The following SEMA6D variants were observed in gnomAD, a reference collection of about 807,000 sequenced individuals.
The protein encoded by SEMA6D is semaphorin 6D, also known as semaphorin-6D.
In SEMA6D, 35 loss-of-function variants were observed where a neutral mutation model predicts 106.6. The observed-to-expected ratio is 0.33, with a 90% CI of 0.25 to 0.44. The LOEUF is 0.44. SEMA6D is among the 20% of genes least tolerant of loss of function. The pLI, the probability that SEMA6D is intolerant of heterozygous loss-of-function variation, is 1.00. For missense variants in SEMA6D, 1,185 were observed against 1,345.9 expected, an observed-to-expected ratio of 0.88 and a Z score of 1.87; for synonymous variants, 499 against 487.7, an observed-to-expected ratio of 1.02 and a Z score of -0.31.
intron 1 of SEMA6D, among the ~76,000 whole-genome samples, chr15:47,336,145 G>A (rs867112794): frequency 1.3e-5 from 2 of 152,218 alleles, no homozygotes; most frequent in Non-Finnish European, 2.9e-5. Context: ...ACAGAAAAAT[G>A]TAAAGGTTTA....
At chr15:47,604,741 T>C (rs2076739397) in intron 4 of SEMA6D, among the ~76,000 whole-genome samples, 1 of 152,128 alleles carries the variant, frequency 6.6e-6, no homozygotes, top group Non-Finnish European at 1.5e-5. Context: ...TGTAATAGTT[T>C]GCTGGAGTGC....
chr15:47,561,985 C>G (rs192090846), intron 3 of SEMA6D, among the ~76,000 whole-genome samples: 413 of 151,904 alleles, frequency 2.7e-3, no homozygotes, highest in African/African-American at 9.2e-3. Flanking sequence ...TTCAAAGGAC[C>G]TACAATAGCC....
intron 1 of SEMA6D, among the ~76,000 whole-genome samples, chr15:47,211,152 C>G (rs1477660003): frequency 7.2e-5 from 11 of 152,108 alleles, no homozygotes; most frequent in Non-Finnish European, 1.6e-4. Context: ...TTGCCATCAT[C>G]TATCTATACT....
intron 1 of SEMA6D, among the ~76,000 whole-genome samples, chr15:47,321,565 T>A (rs1196596175): frequency 6.6e-6 from 1 of 150,948 alleles, no homozygotes; most frequent in East Asian, 1.9e-4. Context: ...AATATGTACA[T>A]TTTTTATATT....
At chr15:47,228,962 T>A (rs2031998819) in intron 1 of SEMA6D, among the ~76,000 whole-genome samples, 1 of 152,182 alleles carries the variant, frequency 6.6e-6, no homozygotes, top group East Asian at 1.9e-4. Context: ...GAGTGAATGA[T>A]TTATTCAATT....
chr15:47,767,369 A>G (rs1433750563), intron 17 of SEMA6D: 1 of 285,300 alleles, frequency 3.5e-6, no homozygotes, highest in Non-Finnish European at 6.5e-6. Context: ...CGCCCACCCA[A>G]GCTTTCTTCT....
At chr15:47,369,939 C>T (rs1449615893) in intron 1 of SEMA6D, among the ~76,000 whole-genome samples, 7 of 152,182 alleles carry the variant, frequency 4.6e-5, no homozygotes, top group African/African-American at 9.7e-5. Context: ...TGGATTGACT[C>T]AGCTCTGTGA....
intron 2 of SEMA6D, among the ~76,000 whole-genome samples, chr15:47,459,766 G>T (rs2042447113): frequency 6.6e-6 from 1 of 151,988 alleles, no homozygotes; most frequent in African/African-American, 2.4e-5. Context: ...AGAATTTCTG[G>T]TGGAGAGTCT....
chr15:47,614,898 G>A (rs1363835330), intron 4 of SEMA6D, among the ~76,000 whole-genome samples: 1 of 152,124 alleles, frequency 6.6e-6, no homozygotes, highest in Non-Finnish European at 1.5e-5. Flanking sequence ...GGTTTAATCT[G>A]GTGATTAAAT....
At chr15:47,536,200 A>G (rs922580566) in intron 3 of SEMA6D, among the ~76,000 whole-genome samples, 3 of 152,212 alleles carry the variant, frequency 2.0e-5, no homozygotes, top group Admixed American at 6.5e-5. Flanking sequence ...CTACATAACC[A>G]TAAACTCTCT....
chr15:47,707,159 A>G (rs2078927863), intron 4 of SEMA6D, among the ~76,000 whole-genome samples: 1 of 152,220 alleles, frequency 6.6e-6, no homozygotes, highest in Admixed American at 6.5e-5. Context: ...TTTCAAATCA[A>G]GTAAAATGAC....
chr15:47,185,410 G>A (rs930053552), intron 1 of SEMA6D, among the ~76,000 whole-genome samples: 2 of 152,162 alleles, frequency 1.3e-5, no homozygotes, highest in Non-Finnish European at 2.9e-5. Flanking sequence ...AACGAAGATG[G>A]AGTTTTAAGT....
At chr15:47,701,455 A>G (rs1225839616) in intron 4 of SEMA6D, among the ~76,000 whole-genome samples, 1 of 152,182 alleles carries the variant, frequency 6.6e-6, no homozygotes, top group Non-Finnish European at 1.5e-5. Context: ...CAACATGGTG[A>G]CTATAGTTAA....
At chr15:47,617,595 A>G (rs1400007273) in intron 4 of SEMA6D, among the ~76,000 whole-genome samples, 6 of 152,198 alleles carry the variant, frequency 3.9e-5, no homozygotes. Flanking sequence ...TAGAACATAC[A>G]GGAATGTTGT....
At chr15:47,346,637 A>G (rs2038058297) in intron 1 of SEMA6D, among the ~76,000 whole-genome samples, 1 of 152,212 alleles carries the variant, frequency 6.6e-6, no homozygotes, top group Non-Finnish European at 1.5e-5. Flanking sequence ...CTATGGTGAC[A>G]TAGTAAGAGC....
chr15:47,409,766 C>G (rs1290949266), intron 1 of SEMA6D, among the ~76,000 whole-genome samples: 1 of 152,096 alleles, frequency 6.6e-6, no homozygotes, highest in Admixed American at 6.5e-5. Context: ...TCCAAAGGCT[C>G]TTAATCTGTT....
intron 4 of SEMA6D, among the ~76,000 whole-genome samples, chr15:47,702,101 A>G (rs1038549695): frequency 2.6e-5 from 4 of 152,112 alleles, no homozygotes; most frequent in African/African-American, 9.7e-5. Context: ...CATTTTCCCA[A>G]TGATTTTTAC....
chr15:47,736,166 G>A (rs184926907), intron 1 of SEMA6D, among the ~76,000 whole-genome samples: 1 of 152,112 alleles, frequency 6.6e-6, no homozygotes, highest in Admixed American at 6.5e-5. Flanking sequence ...TTATTGTGTA[G>A]CAGTAGGCTG....
rs924885225 is a variant in SEMA6D at position 47,210,908 on chromosome 15, G to GT, written c.-239+26499dup. 7.7e-4 allele frequency among the ~76,000 whole-genome samples: 115 copies of GT among 150,206 alleles called. 2 individuals carry two copies. Among genetic ancestry groups the GT allele is most frequent in the South Asian group, 4.2e-3 (20 of 4,764 alleles). On this transcript the variant is annotated intron_variant, in intron 1 of 19. Coordinates refer to the SEMA6D transcript ENST00000558014. ...CTATGGTTTTTGCTTTTAATACAGT[G>GT]TTTTTTTTTGTTTCCAGAGATGTAG...
Sources: allele counts gnomAD v4.1 joint callset (sites outside exome capture counted in the v4.1 genomes callset), GRCh38; gene constraint gnomAD v4.1.1; transcripts MANE v1.5; gene names NCBI Gene and HGNC (gene_info 2026-07-23, HGNC 2026-07-21).